AATF: variants seen among roughly 807,000 people sequenced by gnomAD.
The protein encoded by AATF is protein AATF.
AATF carries 48 observed loss-of-function variants against 63.7 expected under a neutral mutation model. The ratio of observed to expected loss-of-function variants is 0.75; its 90% CI spans 0.60 to 0.96. The LOEUF (loss-of-function observed/expected upper bound fraction) is 0.96, where lower values mean the gene tolerates loss of function less well. Ranked by LOEUF, AATF falls within the 40% of genes least tolerant of loss-of-function variation. The pLI, the probability that AATF is intolerant of heterozygous loss-of-function variation, is 0.00. For synonymous variants in AATF, 258 were observed against 247.7 expected, an observed-to-expected ratio of 1.04 and a Z score of -0.39; for missense variants, 639 against 685.7, an observed-to-expected ratio of 0.93 and a Z score of 0.76.
intron 10 of AATF, among the ~76,000 whole-genome samples, chr17:37,023,042 T>C (rs182479369): frequency 5.3e-5 from 8 of 152,320 alleles, no homozygotes; most frequent in Middle Eastern, 3.4e-3. Flanking sequence ...TCTCCAATAC[T>C]GTACTTTTAA....
At chr17:37,008,674 G>A (rs2071359883) in intron 8 of AATF, among the ~76,000 whole-genome samples, 1 of 152,100 alleles carries the variant, frequency 6.6e-6, no homozygotes, top group East Asian at 1.9e-4. Flanking sequence ...GACCAGCCAC[G>A]GCAACATAGA....
At chr17:37,004,232 G>A (rs767488162) in intron 8 of AATF, among the ~76,000 whole-genome samples, 1 of 152,160 alleles carries the variant, frequency 6.6e-6, no homozygotes, top group Non-Finnish European at 1.5e-5. Flanking sequence ...TTGGGAGGCC[G>A]AGGCAGGAGA....
At chr17:36,999,140 A>G (rs924629563) in intron 8 of AATF, 3 of 152,206 alleles carry the variant, frequency 2.0e-5, no homozygotes, top group African/African-American at 7.2e-5. Flanking sequence ...AGTTGCTGGT[A>G]TCCACTGTTA....
chr17:37,011,081 T>C (rs1043940053), intron 8 of AATF, among the ~76,000 whole-genome samples: 1 of 152,142 alleles, frequency 6.6e-6, no homozygotes, highest in African/African-American at 2.4e-5. Flanking sequence ...TCAAAAAATA[T>C]GTATGAGGGC....
intron 8 of AATF, among the ~76,000 whole-genome samples, chr17:37,007,108 G>T (rs970278968): frequency 1.3e-5 from 2 of 152,102 alleles, no homozygotes; most frequent in East Asian, 3.8e-4. Context: ...TGTAAATATT[G>T]CACTTCCCCT....
At chr17:37,015,671 T>C (rs1015564551) in intron 8 of AATF, among the ~76,000 whole-genome samples, 1 of 152,144 alleles carries the variant, frequency 6.6e-6, no homozygotes, top group African/African-American at 2.4e-5. Context: ...CAGAAGACCA[T>C]AGCAACTTTG....
intron 5 of AATF, among the ~76,000 whole-genome samples, chr17:36,987,983 A>C (rs2071181865): frequency 6.6e-6 from 1 of 152,234 alleles, no homozygotes; most frequent in Admixed American, 6.5e-5. Context: ...CCTTTTAAAA[A>C]ATATTTTGAA....
chr17:36,964,235 G>T (rs1253162752), intron 4 of AATF, among the ~76,000 whole-genome samples: 1 of 148,958 alleles, frequency 6.7e-6, no homozygotes, highest in East Asian at 2.0e-4. Flanking sequence ...GAGTGACCCA[G>T]CAGAGAGGGG....
chr17:36,960,146 A>G (rs1339498443), intron 4 of AATF, among the ~76,000 whole-genome samples: 1 of 151,950 alleles, frequency 6.6e-6, no homozygotes, highest in Admixed American at 6.6e-5. Flanking sequence ...CCGGAGTAGC[A>G]GGGAGTACAG....
At chr17:36,988,773 AGAAGTTTTAAGAAATTG>A in intron 6 of AATF, 53 bp downstream of exon 6, 2 of 1,541,534 alleles carry the variant, frequency 1.3e-6, no homozygotes, top group South Asian at 2.3e-5. Context: ...GGCAACTTGA[AGAAGTTTTAAGAAATTG>A]GAACTACAGC....
At chr17:36,960,250 G>T (rs1035898321) in intron 4 of AATF, among the ~76,000 whole-genome samples, 10 of 152,134 alleles carry the variant, frequency 6.6e-5, no homozygotes, top group Admixed American at 3.3e-4. Flanking sequence ...CTGACCTCAA[G>T]ATCCACCCGC....
chr17:36,990,097 T>C (rs867445273), intron 7 of AATF, among the ~76,000 whole-genome samples: 25 of 152,176 alleles, frequency 1.6e-4, no homozygotes, highest in African/African-American at 6.0e-4. Flanking sequence ...ATAACAAATA[T>C]ATATGTATAA....
chr17:37,042,919 T>G (rs1393160569), intron 11 of AATF: 2 of 151,126 alleles, frequency 1.3e-5, no homozygotes, highest in African/African-American at 4.9e-5. Context: ...TTTTTTGTAT[T>G]TTTAGTAGAG....
rs571432132 is a variant in AATF at position 36,972,336 on chromosome 17, A to G, written c.833-14281A>G. On this transcript the variant is annotated intron_variant, in intron 4 of 11. Coordinates refer to ENST00000619387, the MANE Select transcript of AATF (RefSeq NM_012138.4). ...TCCTTCTCTCTTTGATAAGTGATAT[A>G]ATGTGGTTTGGACACTCAGAGATTC... 7.9e-5 allele frequency among the ~76,000 whole-genome samples: 12 copies of G among 152,316 alleles called. No individual in the cohort carries two copies. In the South Asian group the frequency reaches 2.3e-3, roughly 29 times the overall value.
chr17:36,991,962 C>T (rs936174810), intron 8 of AATF, among the ~76,000 whole-genome samples: 2 of 152,120 alleles, frequency 1.3e-5, no homozygotes, highest in African/African-American at 4.8e-5. Context: ...GGAAGCTGTT[C>T]AGCAGTGATA....
chr17:37,050,307 T>C (rs1178819974), intron 11 of AATF, among the ~76,000 whole-genome samples: 1 of 152,240 alleles, frequency 6.6e-6, no homozygotes, highest in Non-Finnish European at 1.5e-5. Flanking sequence ...TAGCTTCTGC[T>C]GTGCCTTTCA....
chr17:37,040,715 T>G (rs2071630843), intron 11 of AATF, among the ~76,000 whole-genome samples: 2 of 147,006 alleles, frequency 1.4e-5, no homozygotes, highest in Admixed American at 6.8e-5. Context: ...AAAACTTATT[T>G]GGGGGGGGGA....
Position 36,953,267 on chromosome 17 carries a change from A to G in AATF, c.665A>G (p.Glu222Gly). The change falls in exon 3 of 12, where the codon GAG (glutamate) becomes GGG (glycine). Residue 222 changes from glutamate (E) to glycine (G), a missense_variant. Transcript: ENST00000619387. ...AGTGTCAAAGTTTCTGAGGAAGTGG[A>G]GAAAGGAAGAGCCGTGAAGAACCAG... Reference protein sequence around the residue: ...FSSVKVSEEVEKGRAVKNQIA... With the variant: ...FSSVKVSEEVGKGRAVKNQIA... 6.2e-7 allele frequency: 1 copy of G among 1,613,990 alleles called. No individual in the cohort carries two copies. Among genetic ancestry groups the G allele is most frequent in the Admixed American group, 1.7e-5 (1 of 60,018 alleles).
At chr17:37,012,875 G>A (rs1315359593) in intron 8 of AATF, among the ~76,000 whole-genome samples, 1 of 152,068 alleles carries the variant, frequency 6.6e-6, no homozygotes, top group East Asian at 1.9e-4. Context: ...AAATATAAGA[G>A]CTACACTATT....
Sources: gnomAD v4.1 joint callset for allele counts (sites outside exome capture counted in the v4.1 genomes callset) on GRCh38, gnomAD v4.1.1 for gene constraint, MANE v1.5 for transcripts, NCBI Gene and HGNC (gene_info 2026-07-23, HGNC 2026-07-21) for gene names.